Variants in CRPPA observed in about 807,000 individuals in gnomAD.
CRPPA encodes the protein CDP-L-ribitol pyrophosphorylase A, also known as D-ribitol-5-phosphate cytidylyltransferase.
Under a neutral mutation model 52.0 loss-of-function variants are expected in CRPPA, and 43 were observed. The observed-to-expected ratio is 0.83, with a 90% CI of 0.65 to 1.07. The LOEUF is 1.07. Among genes scored for constraint, CRPPA ranks in the 50% least tolerant of loss-of-function variants. The probability of loss-of-function intolerance (pLI) is 0.00; values close to 1 mark genes in which losing one functional copy is unlikely to be tolerated. For missense variants in CRPPA, 629 were observed against 551.7 expected, an observed-to-expected ratio of 1.14 and a Z score of -1.40; for synonymous variants, 250 against 203.5, an observed-to-expected ratio of 1.23 and a Z score of -1.94.
intron 8 of CRPPA, among the ~76,000 whole-genome samples, chr7:16,221,646 G>C (rs1033966248): frequency 3.9e-5 from 6 of 151,966 alleles, no homozygotes; most frequent in Non-Finnish European, 7.4e-5. Flanking sequence ...GACATGAACA[G>C]ACACTTCTCA....
chr7:16,246,913 C>G (rs995489461), intron 8 of CRPPA, among the ~76,000 whole-genome samples: 2 of 152,206 alleles, frequency 1.3e-5, no homozygotes, highest in African/African-American at 4.8e-5. Flanking sequence ...AACTGAAAGT[C>G]ACTAGCTGCA....
chr7:16,382,261 A>G (rs1205368391), intron 2 of CRPPA, among the ~76,000 whole-genome samples: 1 of 152,130 alleles, frequency 6.6e-6, no homozygotes, highest in African/African-American at 2.4e-5. Context: ...AGCTTAGTTT[A>G]GCTGGATATG....
chr7:16,286,069 ATAT>A (rs1562608544), intron 5 of CRPPA, among the ~76,000 whole-genome samples: 16 of 31,776 alleles, frequency 5.0e-4, no homozygotes, highest in Admixed American at 1.3e-3. Context: ...ATATATATAT[ATAT>A]ATATATATAA....
At chr7:16,162,955 C>T (rs1282149446) in intron 9 of CRPPA, among the ~76,000 whole-genome samples, 1 of 144,948 alleles carries the variant, frequency 6.9e-6, no homozygotes, top group African/African-American at 2.5e-5. Flanking sequence ...CTTTTTTTTT[C>T]TTTTTCTTTT....
intron 8 of CRPPA, among the ~76,000 whole-genome samples, chr7:16,238,997 G>T (rs1295170): frequency 0.36 from 54,699 of 151,532 alleles, 10,224 homozygotes; most frequent in African/African-American, 0.47. Context: ...AAATTAGCCA[G>T]GTGTGGTGGC....
intron 5 of CRPPA, among the ~76,000 whole-genome samples, chr7:16,291,660 G>T (rs919265065): frequency 4.6e-5 from 7 of 151,564 alleles, no homozygotes; most frequent in African/African-American, 1.7e-4. Context: ...AAGTTTTAAG[G>T]TTCAATAGCC....
At chr7:16,200,859 A>T (rs1781834861) in intron 9 of CRPPA, among the ~76,000 whole-genome samples, 2 of 152,212 alleles carry the variant, frequency 1.3e-5, no homozygotes, top group Non-Finnish European at 1.5e-5. Context: ...ACAAATATCT[A>T]ATACATAGAT....
At chr7:16,308,147 C>G (rs959972641) in intron 4 of CRPPA, among the ~76,000 whole-genome samples, 16 of 152,212 alleles carry the variant, frequency 1.1e-4, no homozygotes, top group African/African-American at 3.9e-4. Flanking sequence ...TCTCCAGAAG[C>G]AGAAGCCACT....
chr7:16,326,031 T>C (rs1353652964), intron 3 of CRPPA, among the ~76,000 whole-genome samples: 1 of 145,284 alleles, frequency 6.9e-6, no homozygotes, highest in Non-Finnish European at 1.5e-5. Context: ...TGTTTTAACA[T>C]ATGTAAATAT....
chr7:16,222,294 T>A, intron 8 of CRPPA, among the ~76,000 whole-genome samples: 1 of 87,644 alleles, frequency 1.1e-5, no homozygotes, highest in South Asian at 4.4e-4. Context: ...GGGACTGTGT[T>A]GCGGTGGGGG....
At chr7:16,392,333 TATC>T (rs1438921809) in intron 2 of CRPPA, among the ~76,000 whole-genome samples, 1 of 152,142 alleles carries the variant, frequency 6.6e-6, no homozygotes, top group East Asian at 1.9e-4. Flanking sequence ...CAGAATATTA[TATC>T]ATCACCCATG....
chr7:16,328,241 C>G (rs141646462), intron 3 of CRPPA, among the ~76,000 whole-genome samples: 56 of 152,054 alleles, frequency 3.7e-4, no homozygotes, highest in African/African-American at 1.2e-3. Context: ...ATTCAGTCTT[C>G]TGAAAAAGTC....
At chr7:16,150,155 T>A (rs1490491353) in intron 9 of CRPPA, among the ~76,000 whole-genome samples, 1 of 152,188 alleles carries the variant, frequency 6.6e-6, no homozygotes, top group South Asian at 2.1e-4. Context: ...TTTATTCTTA[T>A]AATTGAACAA....
chr7:16,324,151 T>C (rs538160503), intron 3 of CRPPA, among the ~76,000 whole-genome samples: 2 of 152,306 alleles, frequency 1.3e-5, no homozygotes, highest in Admixed American at 6.5e-5. Flanking sequence ...GAATGTGTTA[T>C]TGCACACATA....
chr7:16,410,831 C>T (rs370435193), intron 1 of CRPPA, among the ~76,000 whole-genome samples: 2 of 152,190 alleles, frequency 1.3e-5, no homozygotes, highest in South Asian at 2.1e-4. Context: ...GCCCCTACTC[C>T]CCGCCAGCCC....
intron 4 of CRPPA, among the ~76,000 whole-genome samples, chr7:16,302,469 T>C (rs1562618792): frequency 6.6e-6 from 1 of 152,176 alleles, no homozygotes; most frequent in Non-Finnish European, 1.5e-5. Flanking sequence ...GAATTAATTC[T>C]ATATCACAGA....
intron 9 of CRPPA, 81 bp from the exon 10 acceptor site, chr7:16,091,880 G>A (rs1204919714): frequency 3.9e-6 from 3 of 763,100 alleles, no homozygotes; most frequent in Admixed American, 3.8e-5. Context: ...CACTTTTCAA[G>A]ATCTGCTGCG....
chr7:16,362,490 A>C (rs759917754), intron 3 of CRPPA, among the ~76,000 whole-genome samples: 1 of 152,232 alleles, frequency 6.6e-6, no homozygotes, highest in Non-Finnish European at 1.5e-5. Context: ...TCCTACTCCT[A>C]ATGTCATCAC....
At chr7:16,138,647 T>C (rs1782806677) in intron 9 of CRPPA, among the ~76,000 whole-genome samples, 1 of 152,230 alleles carries the variant, frequency 6.6e-6, no homozygotes, top group East Asian at 1.9e-4. Context: ...TCTCATTATA[T>C]AAAAATGTCT....
Sources: allele counts gnomAD v4.1 joint callset (sites outside exome capture counted in the v4.1 genomes callset), GRCh38; gene constraint gnomAD v4.1.1; transcripts MANE v1.5; gene names NCBI Gene and HGNC (gene_info 2026-07-23, HGNC 2026-07-21).